The following IL27RA variants were observed in gnomAD, a reference collection of about 807,000 sequenced individuals.
IL27RA encodes the protein interleukin 27 receptor subunit alpha.
In IL27RA, 61 loss-of-function variants were observed where a neutral mutation model predicts 80.8. The ratio of observed to expected loss-of-function variants is 0.76; its 90% CI spans 0.61 to 0.93. The LOEUF (loss-of-function observed/expected upper bound fraction) is 0.93. Among genes scored for constraint, IL27RA ranks in the 40% least tolerant of loss-of-function variants. IL27RA has a pLI of 0.00. For missense variants in IL27RA, 735 were observed against 808.1 expected, an observed-to-expected ratio of 0.91 and a Z score of 1.10; for synonymous variants, 316 against 332.5, an observed-to-expected ratio of 0.95 and a Z score of 0.54.
chr19:14,052,061 G>A, intron 13 of IL27RA, 35 bp from the exon 14 acceptor site: 2 of 1,601,768 alleles, frequency 1.2e-6, no homozygotes, highest in Non-Finnish European at 8.5e-7. Flanking sequence ...GGGTCGGGGA[G>A]GCTGGGGCAG....
In IL27RA at chr19:14,052,663, T is replaced by A. The variant is rs10418957; in HGVS notation, c.*373T>A. The A allele has an allele frequency of 0.017, 3,139 of 185,134 alleles. 106 individuals are homozygous for A. The highest frequency in any genetic ancestry group is 0.069 in the African/African-American group (2,947 of 42,656). The allele number at this position is 185,134 out of a possible 1,614,324, so 11.5% of individuals were successfully genotyped here. On this transcript the variant is annotated 3_prime_UTR_variant, in exon 14 of 14. Coordinates refer to ENST00000263379, the MANE Select transcript of IL27RA (RefSeq NM_004843.4). ...GAAGGATCACTTAGAGCTAGGAGTT[T>A]GAGACCAGCCTGGGCAATATAGCAA... is the stretch of plus-strand genomic sequence containing the variant.
At position 14,042,442 on chromosome 19, in the gene IL27RA, C is replaced by CT. The variant is rs1440847913; in HGVS notation, c.535-10dup. 6.2e-7 allele frequency: 1 copy of CT among 1,612,910 alleles called. No homozygotes were observed. The highest frequency in any genetic ancestry group is 1.3e-5 in the African/African-American group (1 of 75,012). Reference sequence around the variant, plus strand: ...CCCTGGGCCCATCACGCTCGCCTGTCTCTCCCCCAGCTGGAACCGGAGCTG... The same window carrying CT: ...CCCTGGGCCCATCACGCTCGCCTGTCTTCTCCCCCAGCTGGAACCGGAGCTG... On this transcript the variant is annotated splice_polypyrimidine_tract_variant and intron_variant, in intron 4 of 13. Coordinates refer to ENST00000263379, the MANE Select transcript of IL27RA (RefSeq NM_004843.4).
intron 10 of IL27RA, 52 bp from the exon 11 acceptor site, chr19:14,050,706 G>A: frequency 1.3e-6 from 2 of 1,573,008 alleles, no homozygotes; most frequent in Admixed American, 3.4e-5. Context: ...ACATGCAAAG[G>A]CCCTGTGGTA....
intron 5 of IL27RA, 31 bp from the exon 6 acceptor site, chr19:14,042,685 C>T: frequency 6.2e-7 from 1 of 1,613,890 alleles, no homozygotes; most frequent in Admixed American, 1.7e-5. Flanking sequence ...ATGTCCCACT[C>T]ATTTGTTCCC....
chr19:14,051,822 C>G, intron 12 of IL27RA, 58 bp from the exon 13 acceptor site: 1 of 1,470,596 alleles, frequency 6.8e-7, no homozygotes, highest in Non-Finnish European at 9.4e-7. Flanking sequence ...ACCCTGCACC[C>G]TGGGCTGGGG....
chr19:14,047,505 C>G (rs934623230), intron 8 of IL27RA, among the ~76,000 whole-genome samples: 5 of 151,028 alleles, frequency 3.3e-5, no homozygotes, highest in Admixed American at 6.6e-5. Context: ...CACAGGCCCC[C>G]ACCGCCATGC....
intron 2 of IL27RA, among the ~76,000 whole-genome samples, chr19:14,035,751 T>A (rs1277383049): frequency 6.6e-6 from 1 of 152,084 alleles, no homozygotes; most frequent in East Asian, 1.9e-4. Flanking sequence ...ACATCTTTTC[T>A]ATTTTTATTT....
At position 14,050,827 on chromosome 19, in the gene IL27RA, C is replaced by T; in HGVS notation, c.1472C>T (p.Ala491Val). The T allele has an allele frequency of 6.2e-7, 1 of 1,613,592 alleles. No individual in the cohort carries two copies. The highest frequency in any genetic ancestry group is 8.5e-7 in the Non-Finnish European group (1 of 1,179,602). Residue 491 changes from alanine (A) to valine (V), a missense_variant, in exon 11 of 14, where the codon GCA becomes GTA. By Grantham distance (64) the Ala-to-Val change is moderately conservative (BLOSUM62 0). Transcript: ENST00000263379. ...PWGPCELWVTASTIAGQGPPG... is the reference protein window; with the variant it reads ...PWGPCELWVTVSTIAGQGPPG... ...GGTCCCTGTGAGCTGTGGGTGACAG[C>T]ATCTACCATCGCTGGACAGGGCCCT...
At chr19:14,032,646 A>G (rs1017622887) in intron 2 of IL27RA, 143 bp downstream of exon 2, 1 of 453,424 alleles carries the variant, frequency 2.2e-6, no homozygotes, top group Non-Finnish European at 3.9e-6. Flanking sequence ...AAAAAAAAAA[A>G]AAAAAAAAAA....
At chr19:14,037,825 T>TCG (rs148052817) in intron 2 of IL27RA, among the ~76,000 whole-genome samples, 3 of 133,638 alleles carry the variant, frequency 2.2e-5, no homozygotes, top group Admixed American at 1.5e-4. Flanking sequence ...ACCCTCTCGC[T>TCG]CTCTCTCTCT....
intron 2 of IL27RA, among the ~76,000 whole-genome samples, chr19:14,033,284 G>T (rs1249620921): frequency 6.6e-6 from 1 of 150,726 alleles, no homozygotes; most frequent in African/African-American, 2.4e-5. Context: ...TTTAGTAGAG[G>T]GGGGAGGTTT....
intron 6 of IL27RA, among the ~76,000 whole-genome samples, chr19:14,044,814 C>G (rs1976040147): frequency 6.6e-6 from 1 of 151,610 alleles, no homozygotes; most frequent in Non-Finnish European, 1.5e-5. Flanking sequence ...AGCAAGCTAC[C>G]CATCTATACA....
At chr19:14,051,417 C>T (rs1043869008) in intron 11 of IL27RA, among the ~76,000 whole-genome samples, 190 bp from the exon 12 acceptor site, 6 of 150,878 alleles carry the variant, frequency 4.0e-5, no homozygotes, top group African/African-American at 1.5e-4. Context: ...TGGTGGCGTG[C>T]GGCTGTAATC....
intron 8 of IL27RA, among the ~76,000 whole-genome samples, chr19:14,047,693 G>T (rs770793996): frequency 8.2e-6 from 1 of 122,202 alleles, no homozygotes; most frequent in East Asian, 2.5e-4. Flanking sequence ...TTGCTCTGTC[G>T]CCCAGGCTGG....
Position 14,046,259 on chromosome 19 carries a change from G to A in IL27RA, c.874G>A (p.Gly292Arg). Residue 292 changes from glycine to arginine, a missense_variant, in exon 7 of 14, where the codon GGG (glycine) becomes AGG (arginine). Coordinates refer to ENST00000263379, the MANE Select transcript of IL27RA (RefSeq NM_004843.4). ...CTGCTGCTGCTCCCTAATTCCCAGT[G>A]GGGCGGAGTGGGCCAGGGTGTCCGC... ...ITCCCSLIPS[G>R]AEWARVSAVN... is the part of the protein sequence containing the mutation. 6.2e-7 allele frequency: 1 copy of A among 1,614,154 alleles called. No individual in the cohort carries two copies. Among genetic ancestry groups the A allele is most frequent in the South Asian group, 1.1e-5 (1 of 91,076 alleles).
In IL27RA at chr19:14,048,622, T is replaced by C. The variant is rs550738334; in HGVS notation, c.1142-359T>C. The stretch of plus-strand genomic sequence containing the variant: ...CATTTTGCCTGCCTGAGAAGCAAGA[T>C]GGAAATATTGAGAAGAGCCCTCAGG... On this transcript the variant is annotated intron_variant, in intron 8 of 13. Transcript: ENST00000263379. 7.7e-4 allele frequency among the ~76,000 whole-genome samples: 117 copies of C among 152,226 alleles called. No homozygotes were observed. The South Asian group carries it at 0.023, about 30-fold the overall frequency.
At chr19:14,046,027 A>T in intron 6 of IL27RA, 127 bp from the exon 7 acceptor site, 1 of 868,536 alleles carries the variant, frequency 1.2e-6, no homozygotes, top group Non-Finnish European at 1.8e-6. Flanking sequence ...CTCCGTCTCA[A>T]AAAACAAACA....
At chr19:14,032,038 TC>T in intron 1 of IL27RA, 66 bp downstream of exon 1, 1 of 1,398,986 alleles carries the variant, frequency 7.1e-7, no homozygotes, top group Non-Finnish European at 9.9e-7. Flanking sequence ...GCGCCAGTGC[TC>T]CAGGATAAGC....
intron 6 of IL27RA, among the ~76,000 whole-genome samples, chr19:14,045,046 A>G (rs191247973): frequency 1.3e-5 from 2 of 149,926 alleles, no homozygotes; most frequent in Admixed American, 1.3e-4. Flanking sequence ...AATCTCCTGA[A>G]CCCGGGGAGG....
Sources: allele counts gnomAD v4.1 joint callset (sites outside exome capture counted in the v4.1 genomes callset), GRCh38; gene constraint gnomAD v4.1.1; transcripts MANE v1.5; gene names NCBI Gene and HGNC (gene_info 2026-07-23, HGNC 2026-07-21).